AP4E1: variants seen among roughly 807,000 people sequenced by gnomAD.
AP4E1 encodes AP-4 complex subunit epsilon-1.
AP4E1 carries 56 observed loss-of-function variants against 128.2 expected under a neutral mutation model. That is an observed-to-expected ratio of 0.44 (90% CI 0.35 to 0.55). The LOEUF is 0.55. Among genes scored for constraint, AP4E1 ranks in the 20% least tolerant of loss-of-function variants. The pLI is 0.00. For missense variants in AP4E1, 1,324 were observed against 1,307.7 expected (o/e 1.01, Z -0.19); for synonymous variants, 484 against 473.1 (o/e 1.02, Z -0.30).
At chr15:50,922,808 T>A (rs1329687202) in intron 3 of AP4E1, among the ~76,000 whole-genome samples, 1 of 151,720 alleles carries the variant, frequency 6.6e-6, no homozygotes. Context: ...GACCGAGTCT[T>A]GCTCTGTCGT....
At chr15:50,914,345 T>C (rs112965666) in intron 2 of AP4E1, among the ~76,000 whole-genome samples, 179 of 152,280 alleles carry the variant, frequency 1.2e-3, no homozygotes, top group African/African-American at 4.2e-3. Context: ...CTAGTTAATT[T>C]TGACATATTA....
chr15:50,943,886 G>C (rs2064021789), intron 10 of AP4E1, among the ~76,000 whole-genome samples: 1 of 152,082 alleles, frequency 6.6e-6, no homozygotes, highest in Non-Finnish European at 1.5e-5. Context: ...ACTCAGAAAG[G>C]CATGCAATTT....
chr15:50,999,367 G>T lies in AP4E1; in HGVS notation c.3095+105G>T, dbSNP rs113364359. The T allele has an allele frequency of 5.5e-4, 532 of 970,174 alleles. 3 individuals carry two copies. In the African/African-American group the frequency reaches 7.8e-3, roughly 14 times the overall value. 60.1% of individuals were successfully genotyped at this position (970,174 alleles called of 1,614,324 possible). ...ATGTTGGGTGCTAGGGAGTATAACA[G>T]TTAAAAACTACGCACAGTTCCTACG... On this transcript the variant is annotated intron_variant, in intron 19 of 20. Coordinates refer to ENST00000261842, the MANE Select transcript of AP4E1 (RefSeq NM_007347.5).
rs570742705 is a variant in AP4E1, at chr15:50,994,659, C to T, written c.2346+1034C>T. On this transcript the variant is annotated intron_variant, in intron 17 of 20. Transcript: ENST00000261842. ...ATCTTGGGTTTTTGAGTTGTTCTGG[C>T]AGGCTGTGATGAGAGGGTGGGTACC... Among the ~76,000 whole-genome samples the T allele has an allele frequency of 7.2e-5, 11 of 152,138 alleles. No individual in the cohort carries two copies. The South Asian group carries it at 2.1e-3, about 29-fold the overall frequency.
intron 17 of AP4E1, among the ~76,000 whole-genome samples, chr15:50,994,873 G>A (rs1156622375): frequency 6.6e-6 from 1 of 152,072 alleles, no homozygotes; most frequent in African/African-American, 2.4e-5. Flanking sequence ...GTTTGAAATC[G>A]GAAATATTAT....
In AP4E1 at chr15:50,948,045, C is replaced by G. The variant is rs1240376631; in HGVS notation, c.1202C>G (p.Thr401Ser). 2.5e-6 allele frequency: 4 copies of G among 1,607,050 alleles called. No homozygotes were observed. The African/African-American group carries it at 4.0e-5, about 16-fold the overall frequency. The change falls in exon 11 of 21, where the codon ACT (threonine) becomes AGT (serine). Residue 401 changes from threonine (T) to serine (S), a missense_variant. By Grantham distance (58) the Thr-to-Ser change is moderately conservative. Transcript: ENST00000261842. ...RETLELLYRITNAQNITVIVQ... is the reference protein window; with the variant it reads ...RETLELLYRISNAQNITVIVQ... ...ACTCTGGAACTTCTTTACAGAATTA[C>G]TAATGCACAGAATATAACAGTTATT...
intron 8 of AP4E1, among the ~76,000 whole-genome samples, chr15:50,935,147 G>A (rs1389124166): frequency 6.6e-6 from 1 of 151,968 alleles, no homozygotes; most frequent in Non-Finnish European, 1.5e-5. Flanking sequence ...AAACATTATG[G>A]GGCTTATAAA....
At chr15:50,943,265 CATCTAA>C (rs749141901) in intron 10 of AP4E1, among the ~76,000 whole-genome samples, 12 of 152,060 alleles carry the variant, frequency 7.9e-5, no homozygotes, top group Non-Finnish European at 1.2e-4. Context: ...AAATACTAAA[CATCTAA>C]ATATCTTAAA....
rs1199705028 is a variant in AP4E1 at position 50,997,309 on chromosome 15, A to G, written c.2347-17A>G. On this transcript the variant is annotated splice_polypyrimidine_tract_variant and intron_variant, in intron 17 of 20. Coordinates refer to ENST00000261842, the MANE Select transcript of AP4E1 (RefSeq NM_007347.5). ...TAGAATGATTTCTTTTTATATTATTATGTTTTATTTTTGCAGCTGGGAAAA... is the reference window on the plus strand; with the variant it reads ...TAGAATGATTTCTTTTTATATTATTGTGTTTTATTTTTGCAGCTGGGAAAA... The G allele has an allele frequency of 6.4e-7, 1 of 1,569,544 alleles. No individual in the cohort carries two copies. The highest frequency in any genetic ancestry group is 2.3e-5 in the East Asian group (1 of 43,544).
intron 8 of AP4E1, among the ~76,000 whole-genome samples, chr15:50,937,093 T>C (rs1018009084): frequency 2.6e-5 from 4 of 152,244 alleles, no homozygotes; most frequent in Non-Finnish European, 4.4e-5. Flanking sequence ...TCTATATCTG[T>C]ATTGATAGAG....
intron 10 of AP4E1, among the ~76,000 whole-genome samples, chr15:50,947,588 C>G (rs1332297273): frequency 6.6e-6 from 1 of 152,180 alleles, no homozygotes; most frequent in Non-Finnish European, 1.5e-5. Context: ...GGGAAATAGT[C>G]TGCTGTCTTC....
intron 13 of AP4E1, among the ~76,000 whole-genome samples, chr15:50,953,097 A>T (rs2064173282): frequency 6.6e-6 from 1 of 152,214 alleles, no homozygotes; most frequent in African/African-American, 2.4e-5. Flanking sequence ...TCTTTGCATT[A>T]TAAAGGTATC....
chr15:50,976,098 A>AC lies in AP4E1; in HGVS notation c.1966+7721_1966+7722insC, dbSNP rs71297694. On this transcript the variant is annotated intron_variant, in intron 15 of 20. Transcript: ENST00000261842. ...TAGCAAAGCCAGACAGAGCCACCACAAAAAAAAGAAAACTACAGGCCAATA... is the reference window on the plus strand; with the variant it reads ...TAGCAAAGCCAGACAGAGCCACCACACAAAAAAAGAAAACTACAGGCCAATA... 2.7e-4 allele frequency among the ~76,000 whole-genome samples: 27 copies of AC among 98,468 alleles called. 2 individuals are homozygous for AC. In the East Asian group the frequency reaches 3.6e-3, roughly 13 times the overall value. 64.6% of individuals were successfully genotyped at this position (98,468 alleles called of 152,430 possible).
chr15:50,966,415 T>C (rs533395814), intron 14 of AP4E1, among the ~76,000 whole-genome samples: 1 of 152,322 alleles, frequency 6.6e-6, no homozygotes, highest in Admixed American at 6.5e-5. Context: ...GAGATGTTTA[T>C]TGAAATGATG....
At chr15:50,994,379 C>T (rs10519289) in intron 17 of AP4E1, among the ~76,000 whole-genome samples, 27,989 of 151,912 alleles carry the variant, frequency 0.18, 2,638 homozygotes, top group South Asian at 0.23. Flanking sequence ...AGAGTGACAT[C>T]CCAGGTCTTT....
At chr15:50,913,655 CTT>C (rs1234130961) in intron 2 of AP4E1, among the ~76,000 whole-genome samples, 1 of 152,158 alleles carries the variant, frequency 6.6e-6, no homozygotes, top group African/African-American at 2.4e-5. Flanking sequence ...TTCATAATGA[CTT>C]TTGAAAAACT....
chr15:50,962,458 G>A (rs1013971682), intron 14 of AP4E1, among the ~76,000 whole-genome samples: 10 of 151,934 alleles, frequency 6.6e-5, no homozygotes, highest in Non-Finnish European at 1.2e-4. Flanking sequence ...GTGTATTTAC[G>A]ACTAACTGAT....
At chr15:50,932,710 A>G (rs565333746) in intron 7 of AP4E1, among the ~76,000 whole-genome samples, 2 of 152,234 alleles carry the variant, frequency 1.3e-5, no homozygotes, top group Non-Finnish European at 2.9e-5. Context: ...GTCAGAATCC[A>G]TTTGCCTGTG....
At chr15:50,966,322 T>G (rs978859032) in intron 14 of AP4E1, among the ~76,000 whole-genome samples, 2 of 152,208 alleles carry the variant, frequency 1.3e-5, no homozygotes, top group African/African-American at 4.8e-5. Flanking sequence ...ATGGCTTGTA[T>G]TCATTTTGAA....
Sources: gnomAD v4.1 joint callset for allele counts (sites outside exome capture counted in the v4.1 genomes callset) on GRCh38, gnomAD v4.1.1 for gene constraint, MANE v1.5 for transcripts, NCBI Gene and HGNC (gene_info 2026-07-23, HGNC 2026-07-21) for gene names.